Variants in G6PC1 observed in about 807,000 individuals in gnomAD.
G6PC1 encodes G-6-Pase.
A neutral mutation model predicts 30.4 loss-of-function variants in G6PC1; 23 were observed. That is an observed-to-expected ratio of 0.76 (90% CI 0.55 to 1.07). The LOEUF is 1.07. G6PC1 is among the 50% of genes least tolerant of loss of function. The pLI is 0.00. For missense variants in G6PC1, 391 were observed against 433.9 expected, an observed-to-expected ratio of 0.90 and a Z score of 0.88; for synonymous variants, 163 against 175.6, an observed-to-expected ratio of 0.93 and a Z score of 0.57.
chr17:42,905,866 A>T (rs1304045043), intron 2 of G6PC1, among the ~76,000 whole-genome samples: 1 of 151,808 alleles, frequency 6.6e-6, no homozygotes, highest in African/African-American at 2.4e-5. Flanking sequence ...AACATGGTGA[A>T]ACCTCGTCAC....
chr17:42,909,393 T>A lies in G6PC1; in HGVS notation c.537T>A (p.His179Gln). 1.2e-6 allele frequency: 2 copies of A among 1,614,086 alleles called. No individual in the cohort carries two copies. Among genetic ancestry groups the A allele is most frequent in the Non-Finnish European group, 1.7e-6 (2 of 1,179,930 alleles). The change falls in exon 4 of 5, where the codon CAT (histidine) becomes CAA (glutamine). Residue 179 changes from histidine (H) to glutamine (Q), a missense_variant. Transcript: ENST00000253801. ...SRIYLAAHFP[H>Q]QVVAGVLSGI... is the part of the protein sequence containing the mutation. ...TCTACCTTGCTGCTCATTTTCCTCA[T>A]CAAGTTGTTGCTGGAGTCCTGTCAG... is the stretch of plus-strand genomic sequence containing the variant.
rs144702208 is a variant in G6PC1 at position 42,907,028 on chromosome 17, G to A, written c.341-495G>A. Among the ~76,000 whole-genome samples the A allele has an allele frequency of 7.7e-4, 118 of 152,324 alleles. 1 individual carries two copies. The East Asian group carries it at 0.022, about 28-fold the overall frequency. The stretch of plus-strand genomic sequence containing the variant: ...AGTAAGTTTCTGGCAGAAGAGCTGT[G>A]AAGGGCTGTCTGGCCAGAGAAGATT... On this transcript the variant is annotated intron_variant, in intron 2 of 4. Transcript: ENST00000253801.
In G6PC1 at chr17:42,911,172, G is replaced by A. The variant is rs764084156; in HGVS notation, c.820G>A (p.Ala274Thr). Residue 274 changes from alanine (A) to threonine (T), a missense_variant, in exon 5 of 5, where the codon GCT becomes ACT. Ala to Thr is a moderately conservative substitution (Grantham distance 58). Transcript: ENST00000253801. The part of the protein sequence containing the change: ...NLGTLFGLGL[A>T]LNSSMYRESC... ...GGGCACGCTCTTTGGCCTGGGGCTGGCTCTCAACTCCAGCATGTACAGGGA... is the reference window on the plus strand; with the variant it reads ...GGGCACGCTCTTTGGCCTGGGGCTGACTCTCAACTCCAGCATGTACAGGGA... The A allele has an allele frequency of 2.5e-6, 4 of 1,614,108 alleles. No individual in the cohort carries two copies. The highest frequency in any genetic ancestry group is 1.7e-5 in the Admixed American group (1 of 60,006).
Position 42,912,641 on chromosome 17 carries a change from T to TTA in G6PC1, c.*1216_*1217insAT, listed in dbSNP as rs1270918195. The TTA allele has an allele frequency of 2.7e-5, 4 of 150,152 alleles. No homozygotes were observed. Among genetic ancestry groups the TTA allele is most frequent in the Admixed American group, 2.0e-4 (3 of 15,072 alleles). The allele number at this position is 150,152 out of a possible 1,614,324, so 9.3% of individuals were successfully genotyped here. ...AGGAAAAGTCAACATCTTCTCTCTT[T>TTA]TTTTTTTTTTTTGAGACAGGGTCTC... On this transcript the variant is annotated 3_prime_UTR_variant, in exon 5 of 5. Coordinates refer to ENST00000253801, the MANE Select transcript of G6PC1 (RefSeq NM_000151.4).
chr17:42,903,080 AT>A (rs1260008776), intron 1 of G6PC1, among the ~76,000 whole-genome samples: 1,391 of 126,596 alleles, frequency 0.011, 6 homozygotes, highest in Middle Eastern at 0.019. Flanking sequence ...GGATTTCAGG[AT>A]TTTTTTTTTT....
rs372226654 is a variant in G6PC1 at position 42,913,737 on chromosome 17, C to T, written c.*2311C>T. On this transcript the variant is annotated 3_prime_UTR_variant, in exon 5 of 5. Coordinates refer to ENST00000253801, the MANE Select transcript of G6PC1 (RefSeq NM_000151.4). The stretch of plus-strand genomic sequence containing the variant: ...GGGCACACAAGTTGCAGTAACACAA[C>T]AAGACTAGGCCAGCTCTGGAATCCA... Among the ~76,000 whole-genome samples the T allele has an allele frequency of 1.8e-4, 27 of 152,314 alleles. No homozygotes were observed. In the South Asian group the frequency reaches 3.9e-3, roughly 22 times the overall value.
At chr17:42,904,425 T>C (rs1163347577) in intron 2 of G6PC1, among the ~76,000 whole-genome samples, 1 of 152,178 alleles carries the variant, frequency 6.6e-6, no homozygotes, top group Non-Finnish European at 1.5e-5. Context: ...TCTCTGTGCC[T>C]ACGTTTTATT....
At position 42,910,924 on chromosome 17, in the gene G6PC1, T is replaced by C. The variant is rs1174235078; in HGVS notation, c.572T>C (p.Val191Ala). ...VVAGVLSGIA[V>A]AETFSHIHSI... ...GCTTTCTTCCACTCAGGCATTGCTG[T>C]TGCAGAAACTTTCAGCCACATCCAC... Residue 191 changes from valine (V) to alanine (A), a missense_variant, in exon 5 of 5, where the codon GTT becomes GCT. Physicochemically the swap from Val to Ala is moderately conservative, Grantham distance 64. Coordinates refer to ENST00000253801, the MANE Select transcript of G6PC1 (RefSeq NM_000151.4). 8 of 1,614,234 alleles carry C rather than the reference T, an allele frequency of 5.0e-6. No homozygotes were observed. The highest frequency in any genetic ancestry group is 6.8e-6 in the Non-Finnish European group (8 of 1,180,024).
chr17:42,905,431 T>A (rs200649072), intron 2 of G6PC1, among the ~76,000 whole-genome samples: 8,736 of 66,244 alleles, frequency 0.13, 436 homozygotes, highest in African/African-American at 0.19. Flanking sequence ...AAAAAAAAAA[T>A]ATATATATAT....
At chr17:42,907,479 G>T (rs1348340653) in intron 2 of G6PC1, 44 bp from the exon 3 acceptor site, 1 of 1,372,932 alleles carries the variant, frequency 7.3e-7, no homozygotes, top group Admixed American at 1.7e-5. Flanking sequence ...TCTCCCAGAT[G>T]AGGACCTTTT....
chr17:42,907,385 G>A (rs943733990), intron 2 of G6PC1, 138 bp from the exon 3 acceptor site: 6 of 678,076 alleles, frequency 8.8e-6, no homozygotes, highest in Admixed American at 4.1e-5. Context: ...GGGGGTGAAC[G>A]GATGGATGGG....
intron 2 of G6PC1, among the ~76,000 whole-genome samples, chr17:42,905,690 A>C (rs944598726): frequency 2.6e-5 from 4 of 152,116 alleles, no homozygotes; most frequent in Non-Finnish European, 4.4e-5. Context: ...TATTTTATTT[A>C]GTCCTCTGTC....
Position 42,911,383 on chromosome 17 carries a change from G to A in G6PC1, c.1031G>A (p.Cys344Tyr). ...PLASVSVIPY[C>Y]LAQVLGQPHK... ...GCATCCGTCAGTGTCATCCCCTACTGCCTCGCCCAGGTCCTGGGCCAGCCG... is the reference window on the plus strand; with the variant it reads ...GCATCCGTCAGTGTCATCCCCTACTACCTCGCCCAGGTCCTGGGCCAGCCG... Residue 344 changes from cysteine to tyrosine, a missense_variant, in exon 5 of 5, where the codon TGC (cysteine) becomes TAC (tyrosine). By Grantham distance (194) the Cys-to-Tyr change is radical. Coordinates refer to ENST00000253801, the MANE Select transcript of G6PC1 (RefSeq NM_000151.4). 6.2e-7 allele frequency: 1 copy of A among 1,614,128 alleles called. No individual in the cohort carries two copies. Among genetic ancestry groups the A allele is most frequent in the Non-Finnish European group, 8.5e-7 (1 of 1,180,030 alleles).
chr17:42,909,772 G>C (rs1044672140), intron 4 of G6PC1, among the ~76,000 whole-genome samples: 2 of 152,046 alleles, frequency 1.3e-5, no homozygotes, highest in Admixed American at 6.6e-5. Flanking sequence ...GATGTCCTAG[G>C]AAAGCTGTTC....
At chr17:42,910,799 G>A in intron 4 of G6PC1, 116 bp from the exon 5 acceptor site, 1 of 1,007,134 alleles carries the variant, frequency 9.9e-7, no homozygotes, top group Non-Finnish European at 1.6e-6. Context: ...TCTGCCATCT[G>A]TGATTTAATT....
Position 42,909,567 on chromosome 17 carries a change from C to A in G6PC1, c.562+149C>A. 4.2e-6 allele frequency: 3 copies of A among 722,308 alleles called. No individual in the cohort carries two copies. In the Admixed American group the frequency reaches 5.9e-5, roughly 14 times the overall value. The allele number at this position is 722,308 out of a possible 1,614,324, so 44.7% of individuals were successfully genotyped here. A position where few individuals can be genotyped will look rare whatever the true frequency, so the allele number is the denominator to read the frequency against. ...TGGGTTGAAAGTCAAGAATGAGCAA[C>A]TTGAAATGATTAATTTCTATAAGAG... On this transcript the variant is annotated intron_variant, in intron 4 of 4. Coordinates refer to ENST00000253801, the MANE Select transcript of G6PC1 (RefSeq NM_000151.4).
chr17:42,910,861 A>G (rs1338479392), intron 4 of G6PC1, 54 bp from the exon 5 acceptor site: 20 of 1,579,444 alleles, frequency 1.3e-5, no homozygotes, highest in Non-Finnish European at 1.7e-5. Flanking sequence ...ACCCACCTCT[A>G]GCAAAGGTCC....
At chr17:42,902,813 G>C (rs1023283733) in intron 1 of G6PC1, among the ~76,000 whole-genome samples, 20 of 152,122 alleles carry the variant, frequency 1.3e-4, no homozygotes, top group Non-Finnish European at 2.6e-4. Context: ...AGAGGATACA[G>C]AACAAGCATC....
chr17:42,904,281 C>G (rs2056045302), intron 2 of G6PC1: 1 of 494,906 alleles, frequency 2.0e-6, no homozygotes, highest in South Asian at 1.9e-5. Flanking sequence ...GGGCAAAGGG[C>G]TCGTGAGAGT....
Sources: gnomAD v4.1 joint callset for allele counts (sites outside exome capture counted in the v4.1 genomes callset) on GRCh38, gnomAD v4.1.1 for gene constraint, MANE v1.5 for transcripts, NCBI Gene and HGNC (gene_info 2026-07-23, HGNC 2026-07-21) for gene names.